Variants in KIF26B observed in about 807,000 individuals in gnomAD.
KIF26B encodes kinesin-like protein KIF26B.
KIF26B carries 63 observed loss-of-function variants against 151.2 expected under a neutral mutation model. That is an observed-to-expected ratio of 0.42 (90% CI 0.34 to 0.51). The LOEUF (loss-of-function observed/expected upper bound fraction) is 0.51, where lower values mean the gene tolerates loss of function less well. Ranked by LOEUF, KIF26B falls within the 20% of genes least tolerant of loss-of-function variation. The pLI is 0.07. For synonymous variants in KIF26B, 1,357 were observed against 1,262.1 expected, an observed-to-expected ratio of 1.08 and a Z score of -1.59; for missense variants, 2,813 against 2,913.6, an observed-to-expected ratio of 0.97 and a Z score of 0.79.
At chr1:245,559,719 G>A (rs2042920374) in intron 5 of KIF26B, among the ~76,000 whole-genome samples, 1 of 152,006 alleles carries the variant, frequency 6.6e-6, no homozygotes, top group African/African-American at 2.4e-5. Flanking sequence ...GCCTATTTTT[G>A]TTTTTGTAGA....
At chr1:245,426,993 T>C (rs1658663327) in intron 4 of KIF26B, among the ~76,000 whole-genome samples, 1 of 152,236 alleles carries the variant, frequency 6.6e-6, no homozygotes, top group Non-Finnish European at 1.5e-5. Context: ...TTGGAGTTGA[T>C]GAAGTCAGAG....
At position 245,684,349 on chromosome 1, in the gene KIF26B, T is replaced by C. The variant is rs775925190; in HGVS notation, c.2375T>C (p.Ile792Thr). 6.2e-7 allele frequency: 1 copy of C among 1,613,252 alleles called. No homozygotes were observed. The highest frequency in any genetic ancestry group is 1.1e-5 in the South Asian group (1 of 91,052). ...AGCTACGCGGAGACCCTGTCCACCA[T>C]CCAGATTGCATCGAGAGTCTTGAGG... ...VGSYAETLST[I>T]QIASRVLRMK... is the part of the protein sequence containing the mutation. Residue 792 changes from isoleucine to threonine, a missense_variant, in exon 11 of 15, where the codon ATC becomes ACC. Physicochemically the swap from Ile to Thr is moderately conservative, Grantham distance 89. This residue lies in a region of KIF26B where 2,060 missense variants were observed against 2,088.6 expected (regional missense o/e 0.99). Transcript: ENST00000407071.
chr1:245,546,945 C>G (rs1558209006), intron 5 of KIF26B, among the ~76,000 whole-genome samples: 1 of 152,254 alleles, frequency 6.6e-6, no homozygotes, highest in Non-Finnish European at 1.5e-5. Flanking sequence ...CTTCCTTCAA[C>G]CGATACCTCC....
rs561613525 is a variant in KIF26B at position 245,577,170 on chromosome 1, T to C, written c.1351-25407T>C. On this transcript the variant is annotated intron_variant, in intron 5 of 14. Transcript: ENST00000407071. ...TGAGAAAACAAATCTAGGGCAGAGT[T>C]TTTCCACAGGGGCACGAGTGATGTC... Among the ~76,000 whole-genome samples the C allele has an allele frequency of 1.4e-3, 214 of 152,148 alleles. 1 individual carries two copies. Among genetic ancestry groups the C allele is most frequent in the African/African-American group, 5.1e-3 (211 of 41,480 alleles).
intron 2 of KIF26B, among the ~76,000 whole-genome samples, chr1:245,356,126 C>CT (rs576838741): frequency 2.9e-4 from 44 of 152,288 alleles, no homozygotes; most frequent in African/African-American, 7.0e-4. Context: ...TGAGGTCACA[C>CT]TTTGAGAAAC....
At chr1:245,581,180 G>A (rs2103129507) in intron 5 of KIF26B, among the ~76,000 whole-genome samples, 1 of 152,288 alleles carries the variant, frequency 6.6e-6, no homozygotes, top group Non-Finnish European at 1.5e-5. Flanking sequence ...CATCCTTTTG[G>A]TCCTTTGAGT....
chr1:245,440,080 G>A (rs1308296357), intron 4 of KIF26B, among the ~76,000 whole-genome samples: 2 of 152,246 alleles, frequency 1.3e-5, no homozygotes, highest in African/African-American at 4.8e-5. Context: ...AATTAGCCGG[G>A]CGTGGTGGCG....
chr1:245,419,710 C>T lies in KIF26B; in HGVS notation c.1131C>T (p.Ser377=), dbSNP rs1465977688. The change falls in exon 4 of 15, where the codon TCC becomes TCT. Residue 377 remains serine, a synonymous_variant. Coordinates refer to ENST00000407071, the MANE Select transcript of KIF26B (RefSeq NM_018012.4). The stretch of plus-strand genomic sequence containing the variant: ...GCTCCTGCGTGGCCAGCGAGACTTC[C>T]ACAGGCACATCGGTGGCCGCCTCCT... ...SQGSCVASET[S]TGTSVAASFF... The T allele has an allele frequency of 3.1e-6, 5 of 1,613,358 alleles. No homozygotes were observed. The highest frequency in any genetic ancestry group is 4.2e-6 in the Non-Finnish European group (5 of 1,179,582).
intron 2 of KIF26B, among the ~76,000 whole-genome samples, chr1:245,175,954 C>A (rs1017321063): frequency 3.3e-5 from 4 of 122,338 alleles, no homozygotes; most frequent in African/African-American, 1.0e-4. Context: ...ATATAGATAT[C>A]TATATCTATA....
intron 2 of KIF26B, among the ~76,000 whole-genome samples, chr1:245,286,970 A>G (rs757858976): frequency 1.6e-4 from 24 of 152,038 alleles, no homozygotes; most frequent in Non-Finnish European, 3.2e-4. Flanking sequence ...TTAGCCAGCT[A>G]TGGTGGCATG....
chr1:245,374,234 A>C (rs184567203), intron 3 of KIF26B, among the ~76,000 whole-genome samples: 1 of 148,142 alleles, frequency 6.8e-6, no homozygotes, highest in East Asian at 2.0e-4. Flanking sequence ...TGCTCCTCCG[A>C]GATCAGAAGC....
intron 10 of KIF26B, among the ~76,000 whole-genome samples, chr1:245,666,361 T>G (rs2044214181): frequency 1.3e-5 from 2 of 152,194 alleles, no homozygotes; most frequent in African/African-American, 2.4e-5. Flanking sequence ...TAGTAATAAC[T>G]ACTTGTATTT....
chr1:245,698,408 C>T lies in KIF26B; in HGVS notation c.6027+100C>T, dbSNP rs1035821410. ...GGCCCTGGGGAAGAAAACTCAGACCCGGGCTTCCCAGCGGGCTTCTGGCAT... is the reference window on the plus strand; with the variant it reads ...GGCCCTGGGGAAGAAAACTCAGACCTGGGCTTCCCAGCGGGCTTCTGGCAT... On this transcript the variant is annotated intron_variant, in intron 13 of 14. Transcript: ENST00000407071. The surrounding 1 kb of genome is among the most constrained non-coding windows in gnomAD (Gnocchi z 4.0). The T allele has an allele frequency of 3.1e-5, 35 of 1,129,952 alleles. No homozygotes were observed. In the East Asian group the frequency reaches 4.6e-4, roughly 15 times the overall value. 70.0% of individuals were successfully genotyped at this position (1,129,952 alleles called of 1,614,324 possible).
chr1:245,191,158 T>C lies in KIF26B; in HGVS notation c.465+34475T>C, dbSNP rs116097263. ...TAATCTGGCTCTTCCTGTGATAAGATGCCACCAATATTTGGGTAGAATGCT... is the reference window on the plus strand; with the variant it reads ...TAATCTGGCTCTTCCTGTGATAAGACGCCACCAATATTTGGGTAGAATGCT... On this transcript the variant is annotated intron_variant, in intron 2 of 14. Transcript: ENST00000407071. Among the ~76,000 whole-genome samples the C allele has an allele frequency of 4.3e-3, 653 of 150,380 alleles. 4 individuals carry two copies. The highest frequency in any genetic ancestry group is 0.016 in the African/African-American group (636 of 40,948).
At chr1:245,173,298 G>T (rs1668744541) in intron 2 of KIF26B, among the ~76,000 whole-genome samples, 1 of 152,142 alleles carries the variant, frequency 6.6e-6, no homozygotes, top group Non-Finnish European at 1.5e-5. Flanking sequence ...CAATGGTGGG[G>T]GCGTACATAA....
At chr1:245,314,452 G>GA (rs1558385652) in intron 2 of KIF26B, among the ~76,000 whole-genome samples, 1 of 151,896 alleles carries the variant, frequency 6.6e-6, no homozygotes, top group African/African-American at 2.4e-5. Flanking sequence ...ACTCTGTCTC[G>GA]AAAAAAAGAA....
intron 4 of KIF26B, among the ~76,000 whole-genome samples, chr1:245,460,482 A>G (rs1293714364): frequency 1.3e-5 from 2 of 152,142 alleles, no homozygotes; most frequent in East Asian, 1.9e-4. Context: ...GATACGATGC[A>G]GGAGTTGAGA....
chr1:245,369,011 G>A (rs954962549), intron 3 of KIF26B, among the ~76,000 whole-genome samples: 7 of 152,076 alleles, frequency 4.6e-5, no homozygotes, highest in Non-Finnish European at 7.3e-5. Flanking sequence ...GGTGGCATGC[G>A]CCTGTAGTGT....
At chr1:245,486,149 T>C (rs1308176765) in intron 4 of KIF26B, among the ~76,000 whole-genome samples, 2 of 152,272 alleles carry the variant, frequency 1.3e-5, no homozygotes, top group African/African-American at 4.8e-5. Flanking sequence ...ATGTTGGTTC[T>C]AATTTAAGCA....
Sources: gnomAD v4.1 joint callset for allele counts (sites outside exome capture counted in the v4.1 genomes callset) on GRCh38, gnomAD v4.1.1 for gene constraint, gnomAD v4.1.1 regional missense constraint, Gnocchi (gnomAD v3.1) non-coding constraint, MANE v1.5 for transcripts, NCBI Gene and HGNC (gene_info 2026-07-23, HGNC 2026-07-21) for gene names.